Variants in NID1 observed in about 807,000 individuals in gnomAD.
The protein encoded by NID1 is nidogen 1.
Under a neutral mutation model 130.6 loss-of-function variants are expected in NID1, and 76 were observed. The ratio of observed to expected loss-of-function variants is 0.58; its 90% CI spans 0.48 to 0.70. The LOEUF (loss-of-function observed/expected upper bound fraction) is 0.70, where lower values mean the gene tolerates loss of function less well. Among genes scored for constraint, NID1 ranks in the 30% least tolerant of loss-of-function variants. NID1 has a pLI of 0.00. For synonymous variants in NID1, 665 were observed against 675.1 expected (o/e 0.98, Z 0.23); for missense variants, 1,517 against 1,664.8 (o/e 0.91, Z 1.54).
intron 11 of NID1, among the ~76,000 whole-genome samples, chr1:236,012,578 A>AAAAAAAAAAAGAAAG (rs1553343926): frequency 1.0e-5 from 1 of 99,552 alleles, no homozygotes; most frequent in African/African-American, 4.4e-5. Flanking sequence ...AAAAAAAAAA[A>AAAAAAAAAAAGAAAG]AAAGAAAGAA....
chr1:235,988,702 T>G lies in NID1; in HGVS notation c.2928+2184A>C, dbSNP rs371383674. 1.3e-3 allele frequency among the ~76,000 whole-genome samples: 195 copies of G among 152,254 alleles called. 1 individual carries two copies. In the South Asian group the frequency reaches 0.033, roughly 25 times the overall value. ...TTTCAGCCTTAAGAAAGAAGGAAATTATGACACATGCTACAATGTGGATGA... is the reference window on the plus strand; with the variant it reads ...TTTCAGCCTTAAGAAAGAAGGAAATGATGACACATGCTACAATGTGGATGA... On this transcript the variant is annotated intron_variant, in intron 14 of 19. Transcript: ENST00000264187.
chr1:236,037,693 A>G (rs1452970858), intron 5 of NID1, among the ~76,000 whole-genome samples: 3 of 152,118 alleles, frequency 2.0e-5, no homozygotes, highest in African/African-American at 7.2e-5. Context: ...GAGCAACACA[A>G]CATAAAATTA....
rs1198947400 is a variant in NID1 at position 236,041,542 on chromosome 1, GT to G, written c.1135+367del. ...AGACAGCCAAAAGAACTTCTAAAAT[GT>G]TTTTTCAGGTGGATGAATACATTTC... On this transcript the variant is annotated intron_variant, in intron 4 of 19. Transcript: ENST00000264187. Among the ~76,000 whole-genome samples, 5 of 152,294 alleles carry G rather than the reference GT, an allele frequency of 3.3e-5. No homozygotes were observed. In the East Asian group the frequency reaches 9.6e-4, roughly 29 times the overall value.
At chr1:236,040,033 CT>C (rs1262121507) in intron 4 of NID1, among the ~76,000 whole-genome samples, 2 of 152,126 alleles carry the variant, frequency 1.3e-5, no homozygotes, top group African/African-American at 4.8e-5. Flanking sequence ...CAAATCTAGG[CT>C]TTTTTCAGTC....
chr1:236,007,365 A>C (rs11590845), intron 12 of NID1, among the ~76,000 whole-genome samples: 38,240 of 151,994 alleles, frequency 0.25, 6,045 homozygotes, highest in Non-Finnish European at 0.36. Context: ...ATTCCCTCAG[A>C]TGTTGTCCAG....
At position 236,010,677 on chromosome 1, in the gene NID1, A is replaced by G. The variant is rs180788197; in HGVS notation, c.2527+1244T>C. Among the ~76,000 whole-genome samples the G allele has an allele frequency of 6.2e-3, 941 of 152,356 alleles. 14 individuals are homozygous for G. The highest frequency in any genetic ancestry group is 0.022 in the African/African-American group (907 of 41,582). Reference sequence around the variant, plus strand: ...AACTCGGCCTTTGTAACACGAAAGCAGCCATAGACTATACATAAGCATGGC... The same window carrying G: ...AACTCGGCCTTTGTAACACGAAAGCGGCCATAGACTATACATAAGCATGGC... On this transcript the variant is annotated intron_variant, in intron 12 of 19. Transcript: ENST00000264187.
rs1167794326 is a variant in NID1 at position 236,002,425 on chromosome 1, C to T, written c.2528-8553G>A. 3.9e-5 allele frequency among the ~76,000 whole-genome samples: 6 copies of T among 152,160 alleles called. No homozygotes were observed. The South Asian group carries it at 1.0e-3, about 26-fold the overall frequency. On this transcript the variant is annotated intron_variant, in intron 12 of 19. Transcript: ENST00000264187. The stretch of plus-strand genomic sequence containing the variant: ...GATTGAGGCAGGAGAATCGCTTGAA[C>T]CCGGGAGGCGGAGGTTGCAGTGAGC...
chr1:235,994,641 A>AT (rs60619772), intron 12 of NID1, among the ~76,000 whole-genome samples: 2 of 151,340 alleles, frequency 1.3e-5, no homozygotes, highest in African/African-American at 4.9e-5. Context: ...TTTTAAGAAA[A>AT]TTTTTTTGTT....
At chr1:236,026,286 G>A (rs921513295) in intron 7 of NID1, 145 bp from the exon 8 acceptor site, 2 of 943,184 alleles carry the variant, frequency 2.1e-6, no homozygotes, top group Admixed American at 5.5e-5. Flanking sequence ...AGACAGAACA[G>A]CTTAAATAAG....
chr1:236,045,758 T>A, intron 2 of NID1, 75 bp from the exon 3 acceptor site: 1 of 1,196,726 alleles, frequency 8.4e-7, no homozygotes, highest in Non-Finnish European at 1.2e-6. Flanking sequence ...CGCCAGACTA[T>A]CTATAAAGCG....
At chr1:236,039,321 C>T (rs1243388534) in intron 4 of NID1, among the ~76,000 whole-genome samples, 1 of 150,752 alleles carries the variant, frequency 6.6e-6, no homozygotes, top group Non-Finnish European at 1.5e-5. Flanking sequence ...ATATTTTATC[C>T]TCCTTCCTCT....
chr1:236,048,974 T>G lies in NID1; in HGVS notation c.241A>C (p.Ile81Leu). Residue 81 changes from isoleucine (I) to leucine (L), a missense_variant, in exon 2 of 20, where the codon ATC becomes CTC. Coordinates refer to ENST00000264187, the MANE Select transcript of NID1 (RefSeq NM_002508.3). ...GCCGGGGGTTCACTCGTAGCAATGA[T>G]GCCATTTGTGGTGACCTGTACAAAA... ...IDAVYVTTNG[I>L]IATSEPPAKE... The G allele has an allele frequency of 3.1e-6, 5 of 1,613,912 alleles. No homozygotes were observed. The highest frequency in any genetic ancestry group is 4.2e-6 in the Non-Finnish European group (5 of 1,179,966).
intron 4 of NID1, among the ~76,000 whole-genome samples, chr1:236,040,158 T>C (rs1659407517): frequency 6.6e-6 from 1 of 151,996 alleles, no homozygotes; most frequent in Non-Finnish European, 1.5e-5. Context: ...AGGATGGAAC[T>C]CAAAACCCAA....
chr1:236,017,096 G>A (rs374863193), intron 10 of NID1, 52 bp downstream of exon 10: 13 of 1,610,294 alleles, frequency 8.1e-6, no homozygotes, highest in African/African-American at 5.3e-5. Flanking sequence ...TTGCATAAGA[G>A]CTAATGCACA....
At chr1:236,028,708 GGAGAGACA>G (rs973828815) in intron 7 of NID1, among the ~76,000 whole-genome samples, 3 of 144,810 alleles carry the variant, frequency 2.1e-5, no homozygotes, top group South Asian at 2.2e-4. Context: ...ATATATATAT[GGAGAGACA>G]GAGAGACAGA....
chr1:236,028,491 G>C (rs1037673766), intron 7 of NID1, among the ~76,000 whole-genome samples: 1 of 152,176 alleles, frequency 6.6e-6, no homozygotes, highest in African/African-American at 2.4e-5. Flanking sequence ...TTGGGCGACA[G>C]AGTGAGGGCT....
rs1198620980 is a variant in NID1 at position 236,032,436 on chromosome 1, T to C, written c.1502A>G (p.Glu501Gly). 6.2e-7 allele frequency: 1 copy of C among 1,613,944 alleles called. No individual in the cohort carries two copies. The highest frequency in any genetic ancestry group is 2.2e-5 in the East Asian group (1 of 44,892). Residue 501 changes from glutamate (E) to glycine (G), a missense_variant, in exon 6 of 20, where the codon GAG (glutamate) becomes GGG (glycine). Glu to Gly is a moderately conservative substitution (Grantham distance 98). Coordinates refer to ENST00000264187, the MANE Select transcript of NID1 (RefSeq NM_002508.3). ...GAACCCATTCTTGAATCCGTCCTGC[T>C]CCACTGCAAACATCCATCCAATGAT... ...GGIIGWMFAV[E>G]QDGFKNGFSI...
At chr1:235,990,160 T>C (rs957682307) in intron 14 of NID1, among the ~76,000 whole-genome samples, 2 of 152,192 alleles carry the variant, frequency 1.3e-5, no homozygotes, top group African/African-American at 4.8e-5. Context: ...GTGGCATCTA[T>C]GAAGTGGAGA....
chr1:236,000,041 C>T (rs1658033963), intron 12 of NID1, among the ~76,000 whole-genome samples: 1 of 152,018 alleles, frequency 6.6e-6, no homozygotes, highest in South Asian at 2.1e-4. Flanking sequence ...TGGTGAGACC[C>T]CATCTCTACT....
Sources: allele counts gnomAD v4.1 joint callset (sites outside exome capture counted in the v4.1 genomes callset), GRCh38; gene constraint gnomAD v4.1.1; transcripts MANE v1.5; gene names NCBI Gene and HGNC (gene_info 2026-07-23, HGNC 2026-07-21).